Variants in PHF14 observed in about 807,000 individuals in gnomAD.
The protein encoded by PHF14 is PHD finger protein 14.
PHF14 carries 55 observed loss-of-function variants against 117.9 expected under a neutral mutation model. That is an observed-to-expected ratio of 0.47 (90% CI 0.38 to 0.58). The LOEUF (loss-of-function observed/expected upper bound fraction) is 0.58, where lower values mean the gene tolerates loss of function less well. Among genes scored for constraint, PHF14 ranks in the 20% least tolerant of loss-of-function variants. The pLI, the probability that PHF14 is intolerant of heterozygous loss-of-function variation, is 0.00. For synonymous variants in PHF14, 409 were observed against 368.6 expected (o/e 1.11, Z -1.26); for missense variants, 978 against 1,122.2 (o/e 0.87, Z 1.84).
At chr7:11,033,506 T>C (rs1345314229) in intron 7 of PHF14, among the ~76,000 whole-genome samples, 3 of 152,164 alleles carry the variant, frequency 2.0e-5, no homozygotes, top group Non-Finnish European at 4.4e-5. Flanking sequence ...CAGAACTTAA[T>C]CACATGGCCA....
chr7:11,061,760 G>T (rs549320445), intron 14 of PHF14, 31 bp from the exon 15 acceptor site: 24 of 1,469,664 alleles, frequency 1.6e-5, no homozygotes, highest in South Asian at 9.9e-5. Context: ...GTGGATTTTT[G>T]TTTTTTGTTT....
rs1784856167 is a variant in PHF14 at position 11,051,742 on chromosome 7, G to A, written c.2443G>A (p.Val815Met). 1.9e-6 allele frequency: 3 copies of A among 1,613,592 alleles called. No homozygotes were observed. Among genetic ancestry groups the A allele is most frequent in the East Asian group, 2.2e-5 (1 of 44,850 alleles). Residue 815 changes from valine (V) to methionine (M), a missense_variant, in exon 14 of 18, where the codon GTG (valine) becomes ATG (methionine). Physicochemically the swap from Val to Met is conservative, Grantham distance 21. This residue lies in a region of PHF14 where 180 missense variants were observed against 195.4 expected (regional missense o/e 0.92). Transcript: ENST00000634607. ...KEPVKFVPQD[V>M]PPEPKKIPIR... ...ACCAGTGAAATTTGTTCCACAGGATGTGCCACCAGAACCCAAGAAGATTCC... is the reference window on the plus strand; with the variant it reads ...ACCAGTGAAATTTGTTCCACAGGATATGCCACCAGAACCCAAGAAGATTCC...
intron 17 of PHF14, among the ~76,000 whole-genome samples, chr7:11,120,299 A>G (rs1787713822): frequency 6.6e-6 from 1 of 152,026 alleles, no homozygotes; most frequent in African/African-American, 2.4e-5. Context: ...GTTGAATGGC[A>G]ATACTGGGAA....
intron 4 of PHF14, among the ~76,000 whole-genome samples, chr7:10,997,044 C>T (rs17163893): frequency 0.015 from 2,282 of 152,308 alleles, 46 homozygotes; most frequent in African/African-American, 0.053. Context: ...TATTCTGACT[C>T]TTTGGTGCCT....
In PHF14 at chr7:11,036,503, A is replaced by G. The variant is rs1784330518; in HGVS notation, c.1688A>G (p.Glu563Gly). 1 of 1,613,940 alleles carries G rather than the reference A, an allele frequency of 6.2e-7. No individual in the cohort carries two copies. Among genetic ancestry groups the G allele is most frequent in the Non-Finnish European group, 8.5e-7 (1 of 1,179,812 alleles). The change falls in exon 9 of 18, where the codon GAA becomes GGA. Residue 563 changes from glutamate to glycine, a missense_variant. Transcript: ENST00000634607. ...AGACCCCAGGCCTGGGTTCCAAGGG[A>G]AAAATTGCCCAGACCACTCACCAGC... ...STRPQAWVPR[E>G]KLPRPLTSSA...
chr7:11,017,961 G>A (rs921417839), intron 5 of PHF14, among the ~76,000 whole-genome samples: 1 of 152,112 alleles, frequency 6.6e-6, no homozygotes, highest in Non-Finnish European at 1.5e-5. Context: ...ATGGCGTCTA[G>A]TTTCCTTCTT....
chr7:11,083,592 C>G (rs1343159958), intron 16 of PHF14, among the ~76,000 whole-genome samples: 1 of 150,702 alleles, frequency 6.6e-6, no homozygotes, highest in South Asian at 2.1e-4. Context: ...TCCCGAGTAG[C>G]TGGGATTACA....
intron 17 of PHF14, among the ~76,000 whole-genome samples, chr7:11,155,066 G>A (rs532324240): frequency 1.3e-4 from 20 of 152,200 alleles, no homozygotes; most frequent in African/African-American, 3.9e-4. Context: ...AAAAACTGTC[G>A]TAAAGTTAAG....
At chr7:10,994,457 G>GCA (rs1445269521) in intron 4 of PHF14, among the ~76,000 whole-genome samples, 3 of 152,140 alleles carry the variant, frequency 2.0e-5, no homozygotes, top group Non-Finnish European at 2.9e-5. Flanking sequence ...AGATCTTGAA[G>GCA]TGGTAGCATG....
chr7:11,003,175 G>A (rs370651975), intron 4 of PHF14, among the ~76,000 whole-genome samples: 12 of 152,208 alleles, frequency 7.9e-5, no homozygotes, highest in East Asian at 3.9e-4. Flanking sequence ...TCCTGACCTC[G>A]TGGTCCGCCC....
At chr7:11,013,682 T>A in intron 4 of PHF14, 65 bp from the exon 5 acceptor site, 1 of 854,996 alleles carries the variant, frequency 1.2e-6, no homozygotes, top group Non-Finnish European at 1.7e-6. Context: ...TCTTTTTCTT[T>A]TGTGATTTTA....
In PHF14 at chr7:10,982,525, T is replaced by G. The variant is rs1419664803; in HGVS notation, c.266T>G (p.Val89Gly). ...EQLKNSAEEE[V>G]LSSEKQLIKM... ...CTTAAAAATTCTGCAGAGGAAGAAG[T>G]ACTATCATCAGAAAAACAATTAATT... Residue 89 changes from valine to glycine, a missense_variant, in exon 3 of 18, where the codon GTA becomes GGA. Val to Gly is a moderately radical substitution (Grantham distance 109, BLOSUM62 -3). This residue lies in a region of PHF14 where 414 missense variants were observed against 376.4 expected (regional missense o/e 1.10). Coordinates refer to ENST00000634607, the MANE Select transcript of PHF14 (RefSeq NM_001007157.2). 5.2e-6 allele frequency: 8 copies of G among 1,532,216 alleles called. No individual in the cohort carries two copies. The highest frequency in any genetic ancestry group is 7.1e-6 in the Non-Finnish European group (8 of 1,124,310). The allele number at this position is 1,532,216 out of a possible 1,614,324, so 94.9% of individuals were successfully genotyped here.
In PHF14 at chr7:10,982,753, C is replaced by G; in HGVS notation, c.494C>G (p.Ser165Cys). The G allele has an allele frequency of 6.2e-7, 1 of 1,613,894 alleles. No individual in the cohort carries two copies. The highest frequency in any genetic ancestry group is 8.5e-7 in the Non-Finnish European group (1 of 1,179,838). Reference sequence around the variant, plus strand: ...CCTCCTGCTGTTAACACATCCCCTTCTGTTCCCACTACGACAACCGCTACA... The same window carrying G: ...CCTCCTGCTGTTAACACATCCCCTTGTGTTCCCACTACGACAACCGCTACA... ...TSPPAVNTSP[S>C]VPTTTTATEE... Residue 165 changes from serine (S) to cysteine (C), a missense_variant, in exon 3 of 18, where the codon TCT becomes TGT. Physicochemically the swap from Ser to Cys is moderately radical, Grantham distance 112. This residue lies in a region of PHF14 where 414 missense variants were observed against 376.4 expected (regional missense o/e 1.10). Transcript: ENST00000634607.
chr7:11,067,220 G>A (rs546947963), intron 16 of PHF14, among the ~76,000 whole-genome samples: 1 of 152,214 alleles, frequency 6.6e-6, no homozygotes, highest in African/African-American at 2.4e-5. Context: ...TCAACATCAC[G>A]AATCATTCAG....
chr7:10,974,133 G>A lies in PHF14; in HGVS notation c.-191G>A. ...GCTCGAGCGGCCAGGGCCAGGCGAG[G>A]CCGGGGGGGCGGGGGGTTAGGGGAC... On this transcript the variant is annotated 5_prime_UTR_variant, in exon 1 of 18. Coordinates refer to ENST00000634607, the MANE Select transcript of PHF14 (RefSeq NM_001007157.2). 2 of 596,320 alleles carry A rather than the reference G, an allele frequency of 3.4e-6. No individual in the cohort carries two copies. The highest frequency in any genetic ancestry group is 6.0e-6 in the Non-Finnish European group (2 of 331,534). The allele number at this position is 596,320 out of a possible 1,614,324, so 36.9% of individuals were successfully genotyped here. A position where few individuals can be genotyped will look rare whatever the true frequency, so the allele number is the denominator to read the frequency against.
At chr7:11,166,737 C>A (rs1451983712) in intron 17 of PHF14, among the ~76,000 whole-genome samples, 1 of 152,090 alleles carries the variant, frequency 6.6e-6, no homozygotes, top group East Asian at 1.9e-4. Flanking sequence ...TTACAGCTAT[C>A]CTTCTAAAAG....
chr7:11,070,404 G>T (rs1785575245), intron 16 of PHF14, among the ~76,000 whole-genome samples: 1 of 152,178 alleles, frequency 6.6e-6, no homozygotes, highest in South Asian at 2.1e-4. Flanking sequence ...GGAATGTATT[G>T]ATTTCATCTC....
intron 2 of PHF14, among the ~76,000 whole-genome samples, chr7:10,977,377 G>T (rs1293280549): frequency 6.6e-6 from 1 of 152,058 alleles, no homozygotes; most frequent in Non-Finnish European, 1.5e-5. Context: ...TTGGCTAACT[G>T]GATTCCGTGG....
chr7:11,006,734 GA>G, intron 4 of PHF14: 1 of 677,260 alleles, frequency 1.5e-6, no homozygotes, highest in Non-Finnish European at 2.7e-6. Context: ...TGGGCTGCTG[GA>G]AGGTGGGTGA....
Sources: gnomAD v4.1 joint callset for allele counts (sites outside exome capture counted in the v4.1 genomes callset) on GRCh38, gnomAD v4.1.1 for gene constraint, gnomAD v4.1.1 regional missense constraint, MANE v1.5 for transcripts, NCBI Gene and HGNC (gene_info 2026-07-23, HGNC 2026-07-21) for gene names.